RASL11A: variants seen among roughly 807,000 people sequenced by gnomAD.
RASL11A encodes RAS like family 11 member A.
Under a neutral mutation model 17.1 loss-of-function variants are expected in RASL11A, and 14 were observed. The observed-to-expected ratio is 0.82, with a 90% CI of 0.54 to 1.28. RASL11A has a LOEUF of 1.28. RASL11A is among the 50% of genes most tolerant of loss of function. The pLI is 0.00. For missense variants in RASL11A, 283 were observed against 312.3 expected, an observed-to-expected ratio of 0.91 and a Z score of 0.71; for synonymous variants, 146 against 132.5, an observed-to-expected ratio of 1.10 and a Z score of -0.70.
rs767605138 is a variant in RASL11A, at chr13:27,271,040, G to T, written c.96G>T (p.Val32=). The T allele has an allele frequency of 1.9e-6, 3 of 1,581,938 alleles. No homozygotes were observed. Among genetic ancestry groups the T allele is most frequent in the East Asian group, 2.3e-5 (1 of 43,100 alleles). The change falls in exon 1 of 4, where the codon GTG becomes GTT. Residue 32 remains valine (V), a synonymous_variant. Coordinates refer to ENST00000241463, the MANE Select transcript of RASL11A (RefSeq NM_206827.2). ...YLLPKDIKLA[V]LGAGRVGKSA... is the part of the protein sequence containing the mutation. Reference sequence around the variant, plus strand: ...TGCCCAAGGACATCAAACTGGCGGTGCTGGGCGCCGGCCGCGTGGGCAAGA... The same window carrying T: ...TGCCCAAGGACATCAAACTGGCGGTTCTGGGCGCCGGCCGCGTGGGCAAGA...
chr13:27,271,601 T>A, intron 2 of RASL11A, 38 bp from the exon 3 acceptor site: 4 of 1,613,580 alleles, frequency 2.5e-6, no homozygotes, highest in Non-Finnish European at 3.4e-6. Context: ...CGGATGGGAG[T>A]TTGAGAATTA....
At position 27,274,538 on chromosome 13, in the gene RASL11A, G is replaced by C. The variant is rs562395361; in HGVS notation, c.*1044G>C. On this transcript the variant is annotated 3_prime_UTR_variant, in exon 4 of 4. Transcript: ENST00000241463. ...AGATTGTCTTTCTCAGCTGCTCCAGGCTCTTTCATGTCTTCCTGCCTTGGC... is the reference window on the plus strand; with the variant it reads ...AGATTGTCTTTCTCAGCTGCTCCAGCCTCTTTCATGTCTTCCTGCCTTGGC... Among the ~76,000 whole-genome samples, 9 of 152,092 alleles carry C rather than the reference G, an allele frequency of 5.9e-5. No homozygotes were observed. The highest frequency in any genetic ancestry group is 1.2e-4 in the Non-Finnish European group (8 of 68,028).
At position 27,273,562 on chromosome 13, in the gene RASL11A, T is replaced by C. The variant is rs1882373641; in HGVS notation, c.*68T>C. ...GCAGCTAAAAGACTGGGCTTCTCGC[T>C]TTTTAATCACACATTCAGAGTTTAT... On this transcript the variant is annotated 3_prime_UTR_variant, in exon 4 of 4. Transcript: ENST00000241463. The C allele has an allele frequency of 5.9e-6, 7 of 1,189,838 alleles. No individual in the cohort carries two copies. The East Asian group carries it at 1.5e-4, about 25-fold the overall frequency. The allele number at this position is 1,189,838 out of a possible 1,614,324, so 73.7% of individuals were successfully genotyped here.
Position 27,273,690 on chromosome 13 carries a change from CTTTTTTTTTTTTTTTT to C in RASL11A, c.*211_*226del, listed in dbSNP as rs11304490. The C allele has an allele frequency of 2.8e-5, 2 of 72,492 alleles. No homozygotes were observed. The highest frequency in any genetic ancestry group is 1.3e-4 in the African/African-American group (2 of 15,352). 4.5% of individuals were successfully genotyped at this position (72,492 alleles called of 1,614,324 possible). ...ATTTTGTTTTGTTTTATTAAAAGAA[CTTTTTTTTTTTTTTTT>C]TTTTTTTTTTTTTTACTGTAACTGC... is the stretch of plus-strand genomic sequence containing the variant. On this transcript the variant is annotated 3_prime_UTR_variant, in exon 4 of 4. Coordinates refer to ENST00000241463, the MANE Select transcript of RASL11A (RefSeq NM_206827.2).
chr13:27,272,982 C>T (rs1882339558), intron 3 of RASL11A, 45 bp from the exon 4 acceptor site: 1 of 1,501,094 alleles, frequency 6.7e-7, no homozygotes, highest in South Asian at 1.1e-5. Context: ...GTTTATCTCC[C>T]ACTGAGGGTT....
At position 27,273,816 on chromosome 13, in the gene RASL11A, C is replaced by T. The variant is rs781738133; in HGVS notation, c.*322C>T. On this transcript the variant is annotated 3_prime_UTR_variant, in exon 4 of 4. Coordinates refer to ENST00000241463, the MANE Select transcript of RASL11A (RefSeq NM_206827.2). ...TTTATAGAAATTGTACTTGCACCAGCGCCCAGTGCTGCTCCATGCTTGCCC... is the reference window on the plus strand; with the variant it reads ...TTTATAGAAATTGTACTTGCACCAGTGCCCAGTGCTGCTCCATGCTTGCCC... 7 of 241,270 alleles carry T rather than the reference C, an allele frequency of 2.9e-5. No homozygotes were observed. The highest frequency in any genetic ancestry group is 2.1e-4 in the East Asian group (2 of 9,742). 14.9% of individuals were successfully genotyped at this position (241,270 alleles called of 1,614,324 possible).
chr13:27,273,275 C>T lies in RASL11A; in HGVS notation c.510C>T (p.Gly170=), dbSNP rs775807761. The change falls in exon 4 of 4, where the codon GGC becomes GGT. Residue 170 remains glycine, a synonymous_variant. Transcript: ENST00000241463. The stretch of plus-strand genomic sequence containing the variant: ...GTATTCAGCTAGCCAATGAGCTGGG[C>T]AGCCTGTTCCTTGAAATTTCCACTA... The part of the protein sequence containing the change: ...QDGIQLANEL[G]SLFLEISTSE... The T allele has an allele frequency of 1.5e-5, 25 of 1,614,110 alleles. No individual in the cohort carries two copies. Among genetic ancestry groups the T allele is most frequent in the African/African-American group, 2.7e-5 (2 of 74,938 alleles).
chr13:27,273,384 A>C lies in RASL11A; in HGVS notation c.619A>C (p.Arg207=). 6.2e-7 allele frequency: 1 copy of C among 1,614,218 alleles called. No individual in the cohort carries two copies. Among genetic ancestry groups the C allele is most frequent in the Non-Finnish European group, 8.5e-7 (1 of 1,180,034 alleles). Residue 207 remains arginine (R), a synonymous_variant, in exon 4 of 4, where the codon AGA becomes CGA. Coordinates refer to ENST00000241463, the MANE Select transcript of RASL11A (RefSeq NM_206827.2). The stretch of plus-strand genomic sequence containing the variant: ...GATGCACGGCCTCAGTGGGGAAAGA[A>C]GAAGAGCCTCCATCATCCCTCGGCC... ...SKMHGLSGER[R]RASIIPRPRS...
At chr13:27,272,260 G>C (rs899051729) in intron 3 of RASL11A, among the ~76,000 whole-genome samples, 2 of 152,076 alleles carry the variant, frequency 1.3e-5, no homozygotes, top group Admixed American at 1.3e-4. Context: ...GAGTAGCTGG[G>C]ACTACAGGCA....
intron 1 of RASL11A, chr13:27,271,269 C>T: frequency 1.4e-6 from 2 of 1,448,576 alleles, no homozygotes; most frequent in South Asian, 1.5e-5. Flanking sequence ...CCTGGGATCT[C>T]GGCGGGATTG....
Position 27,271,050 on chromosome 13 carries a change from G to C in RASL11A, c.106G>C (p.Gly36Arg). 4 of 1,577,266 alleles carry C rather than the reference G, an allele frequency of 2.5e-6. No individual in the cohort carries two copies. The highest frequency in any genetic ancestry group is 2.3e-5 in the East Asian group (1 of 42,816). ...CATCAAACTGGCGGTGCTGGGCGCCGGCCGCGTGGGCAAGAGCGGTGAGTG... is the reference window on the plus strand; with the variant it reads ...CATCAAACTGGCGGTGCTGGGCGCCCGCCGCGTGGGCAAGAGCGGTGAGTG... ...KDIKLAVLGA[G>R]RVGKSAMIVR... is the part of the protein sequence containing the mutation. Residue 36 changes from glycine to arginine, a missense_variant, in exon 1 of 4, where the codon GGC becomes CGC. By Grantham distance (125) the Gly-to-Arg change is moderately radical. Transcript: ENST00000241463.
In RASL11A at chr13:27,273,510, T is replaced by C. The variant is rs1263064035; in HGVS notation, c.*16T>C. On this transcript the variant is annotated 3_prime_UTR_variant, in exon 4 of 4. Transcript: ENST00000241463. ...ACTGGGGTGAACTATCTCAGACAGATGCCTCTCCTTTTTAATACGCATTTG... is the reference window on the plus strand; with the variant it reads ...ACTGGGGTGAACTATCTCAGACAGACGCCTCTCCTTTTTAATACGCATTTG... 1 of 1,586,020 alleles carries C rather than the reference T, an allele frequency of 6.3e-7. No individual in the cohort carries two copies. The highest frequency in any genetic ancestry group is 8.6e-7 in the Non-Finnish European group (1 of 1,158,040).
chr13:27,271,733 G>A lies in RASL11A; in HGVS notation c.261+15G>A, dbSNP rs1882298677. 4 of 1,598,528 alleles carry A rather than the reference G, an allele frequency of 2.5e-6. No individual in the cohort carries two copies. Among genetic ancestry groups the A allele is most frequent in the Non-Finnish European group, 3.4e-6 (4 of 1,172,530 alleles). On this transcript the variant is annotated intron_variant, in intron 3 of 3. Coordinates refer to ENST00000241463, the MANE Select transcript of RASL11A (RefSeq NM_206827.2). ...GGGGCGTCCAGGTAAGAACCGCCAG[G>A]GGCAAACAGCTCACCCCCACCCGTG...
rs185708280 is a variant in RASL11A, at chr13:27,271,324, G to A, written c.125-160G>A. 9 of 1,476,452 alleles carry A rather than the reference G, an allele frequency of 6.1e-6. No individual in the cohort carries two copies. The African/African-American group carries it at 9.8e-5, about 16-fold the overall frequency. The allele number at this position is 1,476,452 out of a possible 1,614,324, so 91.5% of individuals were successfully genotyped here. ...GTGCGGGAGAGGTGTCCCGCCAGTC[G>A]TACTCGCGGCCAAGCCCGCGGCACC... is the stretch of plus-strand genomic sequence containing the variant. On this transcript the variant is annotated intron_variant, in intron 1 of 3. Coordinates refer to ENST00000241463, the MANE Select transcript of RASL11A (RefSeq NM_206827.2).
rs1882375164 is a variant in RASL11A at position 27,273,599 on chromosome 13, A to T, written c.*105A>T. The T allele has an allele frequency of 2.2e-6, 2 of 903,696 alleles. No individual in the cohort carries two copies. Among genetic ancestry groups the T allele is most frequent in the Admixed American group, 5.9e-5 (2 of 33,806 alleles). The allele number at this position is 903,696 out of a possible 1,614,324, so 56.0% of individuals were successfully genotyped here. A position where few individuals can be genotyped will look rare whatever the true frequency, so the allele number is the denominator to read the frequency against. On this transcript the variant is annotated 3_prime_UTR_variant, in exon 4 of 4. Coordinates refer to ENST00000241463, the MANE Select transcript of RASL11A (RefSeq NM_206827.2). Reference sequence around the variant, plus strand: ...CATTCAGAGTTTATTTTTATAAAAAAATTGATTTTCAAGTACATGTGTATT... The same window carrying T: ...CATTCAGAGTTTATTTTTATAAAAATATTGATTTTCAAGTACATGTGTATT...
chr13:27,271,156 C>T (rs966200570), intron 1 of RASL11A, 88 bp downstream of exon 1: 2 of 1,488,764 alleles, frequency 1.3e-6, no homozygotes, highest in Admixed American at 2.5e-5. Context: ...GCGCCTCGGC[C>T]GAAGCAGAGG....
In RASL11A at chr13:27,274,053, C is replaced by T. The variant is rs1391418627; in HGVS notation, c.*559C>T. ...CTAAAACGTTACAAGCCATGAGTAA[C>T]ATTTATTGGTGCAAATGCAAGTTTA... On this transcript the variant is annotated 3_prime_UTR_variant, in exon 4 of 4. Transcript: ENST00000241463. Among the ~76,000 whole-genome samples, 1 of 152,128 alleles carries T rather than the reference C, an allele frequency of 6.6e-6. No individual in the cohort carries two copies. Among genetic ancestry groups the T allele is most frequent in the Non-Finnish European group, 1.5e-5 (1 of 68,026 alleles).
chr13:27,271,336 A>T, intron 1 of RASL11A, 148 bp from the exon 2 acceptor site: 1 of 1,492,682 alleles, frequency 6.7e-7, no homozygotes, highest in South Asian at 1.3e-5. Flanking sequence ...ACTCGCGGCC[A>T]AGCCCGCGGC....
chr13:27,271,250 G>A lies in RASL11A; in HGVS notation c.124+182G>A, dbSNP rs1436055190. On this transcript the variant is annotated intron_variant, in intron 1 of 3. Transcript: ENST00000241463. Reference sequence around the variant, plus strand: ...GCCTGCTTCCCTGGCGTTTCCTGGTGCATCTACTCCTGGGATCTCGGCGGG... The same window carrying A: ...GCCTGCTTCCCTGGCGTTTCCTGGTACATCTACTCCTGGGATCTCGGCGGG... 7 of 1,446,658 alleles carry A rather than the reference G, an allele frequency of 4.8e-6. No individual in the cohort carries two copies. In the African/African-American group the frequency reaches 1.0e-4, roughly 21 times the overall value. 89.6% of individuals were successfully genotyped at this position (1,446,658 alleles called of 1,614,324 possible).
Sources: allele counts gnomAD v4.1 joint callset (sites outside exome capture counted in the v4.1 genomes callset), GRCh38; gene constraint gnomAD v4.1.1; transcripts MANE v1.5; gene names NCBI Gene and HGNC (gene_info 2026-07-23, HGNC 2026-07-21).